Variants in CCDC146 observed in about 807,000 individuals in gnomAD.
The protein encoded by CCDC146 is coiled-coil domain-containing protein 146.
CCDC146 carries 92 observed loss-of-function variants against 119.3 expected under a neutral mutation model. The ratio of observed to expected loss-of-function variants is 0.77; its 90% CI spans 0.65 to 0.92. CCDC146 has a LOEUF of 0.92. Ranked by LOEUF, CCDC146 falls within the 40% of genes least tolerant of loss-of-function variation. CCDC146 has a pLI of 0.00. For synonymous variants in CCDC146, 372 were observed against 371.8 expected, an observed-to-expected ratio of 1.00 and a Z score of -0.01; for missense variants, 1,000 against 1,103.0, an observed-to-expected ratio of 0.91 and a Z score of 1.32.
intron 2 of CCDC146, among the ~76,000 whole-genome samples, chr7:77,213,028 T>C (rs902468374): frequency 3.3e-5 from 5 of 151,838 alleles, no homozygotes; most frequent in Admixed American, 6.6e-5. Context: ...TGTTCAAGTT[T>C]TTATTAAATT....
chr7:77,209,485 C>G (rs919457505), intron 2 of CCDC146, among the ~76,000 whole-genome samples: 2 of 152,246 alleles, frequency 1.3e-5, no homozygotes, highest in South Asian at 4.1e-4. Context: ...CATTGATTGC[C>G]TGTGGCGTTT....
At chr7:77,271,560 A>ATATATG (rs1793522198) in intron 9 of CCDC146, among the ~76,000 whole-genome samples, 1 of 86,420 alleles carries the variant, frequency 1.2e-5, no homozygotes, top group African/African-American at 4.8e-5. Context: ...ATATATATAT[A>ATATATG]TATATATATG....
chr7:77,156,908 A>G (rs1481229322), intron 1 of CCDC146, among the ~76,000 whole-genome samples: 2 of 150,420 alleles, frequency 1.3e-5, no homozygotes, highest in South Asian at 2.1e-4. Context: ...TAATATACAT[A>G]TAATTACCAG....
chr7:77,292,301 ATTT>A (rs35258178), intron 17 of CCDC146, among the ~76,000 whole-genome samples: 8 of 132,646 alleles, frequency 6.0e-5, no homozygotes, highest in Admixed American at 1.5e-4. Context: ...CTTTATTTTA[ATTT>A]TTTTTTTTTT....
chr7:77,287,293 TG>T, intron 16 of CCDC146, 146 bp from the exon 17 acceptor site: 2 of 758,710 alleles, frequency 2.6e-6, no homozygotes, highest in Non-Finnish European at 4.3e-6. Context: ...CTGCAGGGGC[TG>T]GGGCAGGGAA....
intron 11 of CCDC146, among the ~76,000 whole-genome samples, chr7:77,276,818 C>A (rs1160309616): frequency 6.6e-6 from 1 of 152,172 alleles, no homozygotes; most frequent in Non-Finnish European, 1.5e-5. Flanking sequence ...CGCCTGTAAT[C>A]CCAACACGTT....
intron 1 of CCDC146, among the ~76,000 whole-genome samples, chr7:77,165,104 G>A (rs531801018): frequency 6.6e-6 from 1 of 152,182 alleles, no homozygotes; most frequent in Non-Finnish European, 1.5e-5. Context: ...CTCCAGAAGG[G>A]CAGTCATCCC....
rs139238249 is a variant in CCDC146, at chr7:77,196,242, T to C, written c.156+28418T>C. 3 of 1,457,116 alleles carry C rather than the reference T, an allele frequency of 2.1e-6. No individual in the cohort carries two copies. The African/African-American group carries it at 4.2e-5, about 20-fold the overall frequency. The allele number at this position is 1,457,116 out of a possible 1,614,324, so 90.3% of individuals were successfully genotyped here. On this transcript the variant is annotated intron_variant, in intron 2 of 18. Coordinates refer to ENST00000285871, the MANE Select transcript of CCDC146 (RefSeq NM_020879.3). The surrounding 1 kb of genome is among the most constrained non-coding windows in gnomAD (Gnocchi z 4.2). ...AGTGCTGAAGGAATTAATTGCCCTATTAGATAACGAATACCTGGAGGAATG... is the reference window on the plus strand; with the variant it reads ...AGTGCTGAAGGAATTAATTGCCCTACTAGATAACGAATACCTGGAGGAATG...
At chr7:77,259,982 G>A (rs765925720) in intron 7 of CCDC146, 27 bp from the exon 8 acceptor site, 8 of 820,582 alleles carry the variant, frequency 9.7e-6, no homozygotes, top group Non-Finnish European at 1.4e-5. Context: ...GTGTGTGTGT[G>A]TGTGTGTGTG....
intron 2 of CCDC146, chr7:77,194,866 ATAT>A (rs1456942735): frequency 2.0e-5 from 3 of 152,198 alleles, no homozygotes; most frequent in Non-Finnish European, 2.9e-5. Context: ...AGTCTTTTAA[ATAT>A]TATATATAGC....
At chr7:77,142,950 A>G (rs1398771266) in intron 1 of CCDC146, among the ~76,000 whole-genome samples, 1 of 151,838 alleles carries the variant, frequency 6.6e-6, no homozygotes, top group African/African-American at 2.4e-5. Flanking sequence ...TGGCTGGGTC[A>G]AATGGTATTT....
chr7:77,136,893 A>G (rs148387496), intron 1 of CCDC146, among the ~76,000 whole-genome samples: 1,647 of 152,294 alleles, frequency 0.011, 22 homozygotes, highest in African/African-American at 0.037. Flanking sequence ...TATAAAAATA[A>G]TTATATACCA....
At chr7:77,122,993 G>A (rs1790644068) in intron 1 of CCDC146, among the ~76,000 whole-genome samples, 1 of 147,760 alleles carries the variant, frequency 6.8e-6, no homozygotes, top group African/African-American at 2.5e-5. Flanking sequence ...GTTTTAATTT[G>A]CTCACTTTAA....
chr7:77,163,862 T>C (rs935705844), intron 1 of CCDC146, among the ~76,000 whole-genome samples: 2 of 34,750 alleles, frequency 5.8e-5, no homozygotes, highest in African/African-American at 3.0e-4. Flanking sequence ...TTTTTTTTCT[T>C]TTTTTTTTTT....
chr7:77,232,721 T>TA (rs1311866370), intron 2 of CCDC146, among the ~76,000 whole-genome samples: 1 of 152,106 alleles, frequency 6.6e-6, no homozygotes, highest in Admixed American at 6.5e-5. Context: ...AGCAGGACAT[T>TA]AGGGAGTGAG....
At chr7:77,146,830 G>A (rs1004508040) in intron 1 of CCDC146, among the ~76,000 whole-genome samples, 1 of 152,078 alleles carries the variant, frequency 6.6e-6, no homozygotes, top group South Asian at 2.1e-4. Context: ...TTTCTCTCTG[G>A]CTGCCCTTAA....
chr7:77,196,669 G>C lies in CCDC146; in HGVS notation c.156+28845G>C. On this transcript the variant is annotated intron_variant, in intron 2 of 18. Transcript: ENST00000285871. The surrounding 1 kb of genome is among the most constrained non-coding windows in gnomAD (Gnocchi z 4.2). ...ACTGATCATACAAGGCATATAGTTC[G>C]ACACCATTAAAGTCTTCAAGATCTA... 6.2e-7 allele frequency: 1 copy of C among 1,614,004 alleles called. No individual in the cohort carries two copies. Among genetic ancestry groups the C allele is most frequent in the Non-Finnish European group, 8.5e-7 (1 of 1,179,948 alleles).
chr7:77,226,254 T>C (rs140960876), intron 2 of CCDC146, among the ~76,000 whole-genome samples: 2 of 152,262 alleles, frequency 1.3e-5, no homozygotes, highest in Admixed American at 1.3e-4. Context: ...TAACCACTTA[T>C]GCTTTCACAT....
intron 2 of CCDC146, among the ~76,000 whole-genome samples, chr7:77,183,836 A>G (rs747006915): frequency 2.6e-5 from 4 of 152,242 alleles, no homozygotes; most frequent in African/African-American, 4.8e-5. Context: ...TGGTCCTTGT[A>G]AACTCTTAGC....
Sources: allele counts gnomAD v4.1 joint callset (sites outside exome capture counted in the v4.1 genomes callset), GRCh38; gene constraint gnomAD v4.1.1; non-coding constraint Gnocchi (gnomAD v3.1); transcripts MANE v1.5; gene names NCBI Gene and HGNC (gene_info 2026-07-23, HGNC 2026-07-21).